POLR3B: variants seen among roughly 807,000 people sequenced by gnomAD.
The protein encoded by POLR3B is DNA-directed RNA polymerase III subunit RPC2.
POLR3B carries 96 observed loss-of-function variants against 147.4 expected under a neutral mutation model. That is an observed-to-expected ratio of 0.65 (90% CI 0.55 to 0.77). The LOEUF (loss-of-function observed/expected upper bound fraction) is 0.77. POLR3B is among the 30% of genes least tolerant of loss of function. The pLI is 0.00. For missense variants in POLR3B, 1,036 were observed against 1,413.5 expected (o/e 0.73, Z 4.28); for synonymous variants, 461 against 485.9 (o/e 0.95, Z 0.67).
intron 10 of POLR3B, among the ~76,000 whole-genome samples, chr12:106,405,371 A>G (rs1013562924): frequency 3.9e-5 from 6 of 152,244 alleles, no homozygotes; most frequent in South Asian, 2.1e-4. Flanking sequence ...GTCCACGAAC[A>G]TGTCATGACC....
At chr12:106,424,419 A>G (rs935891840) in intron 12 of POLR3B, among the ~76,000 whole-genome samples, 6 of 152,112 alleles carry the variant, frequency 3.9e-5, no homozygotes, top group African/African-American at 1.4e-4. Flanking sequence ...TTTTCTCCTG[A>G]TAGTTTTATT....
intron 10 of POLR3B, among the ~76,000 whole-genome samples, chr12:106,401,806 A>G (rs370273166): frequency 6.6e-6 from 1 of 152,132 alleles, no homozygotes; most frequent in Admixed American, 6.5e-5. Context: ...TTGATGGGAC[A>G]TATCTCAAAA....
At chr12:106,471,728 A>G (rs1007778919) in intron 23 of POLR3B, among the ~76,000 whole-genome samples, 30 of 152,146 alleles carry the variant, frequency 2.0e-4, no homozygotes, top group African/African-American at 7.2e-4. Flanking sequence ...CACAATGTAT[A>G]TGAATGAATG....
intron 9 of POLR3B, among the ~76,000 whole-genome samples, chr12:106,383,278 T>G (rs1328743112): frequency 1.3e-5 from 2 of 152,184 alleles, no homozygotes; most frequent in East Asian, 3.9e-4. Flanking sequence ...ATAAGCCTGT[T>G]TCACTTTCTT....
chr12:106,403,017 C>T (rs1208953294), intron 10 of POLR3B, among the ~76,000 whole-genome samples: 3 of 148,074 alleles, frequency 2.0e-5, no homozygotes, highest in Admixed American at 6.8e-5. Flanking sequence ...TCAGAGTGAA[C>T]AGGCAACCTA....
chr12:106,459,842 C>G (rs1322526589), intron 22 of POLR3B, among the ~76,000 whole-genome samples: 1 of 152,144 alleles, frequency 6.6e-6, no homozygotes, highest in Non-Finnish European at 1.5e-5. Context: ...CATTTAAATT[C>G]TGTTAGCTTC....
chr12:106,384,949 C>T (rs982732377), intron 9 of POLR3B, among the ~76,000 whole-genome samples: 1 of 151,904 alleles, frequency 6.6e-6, no homozygotes, highest in African/African-American at 2.4e-5. Flanking sequence ...CCTCAGCCTC[C>T]CAAGTAGCTG....
intron 26 of POLR3B, among the ~76,000 whole-genome samples, chr12:106,503,722 C>G (rs1398228721): frequency 6.6e-6 from 1 of 152,268 alleles, no homozygotes; most frequent in East Asian, 1.9e-4. Flanking sequence ...GACATTGTTT[C>G]CTGATTTGAA....
chr12:106,411,503 A>G (rs181054090), intron 12 of POLR3B, among the ~76,000 whole-genome samples: 1 of 152,350 alleles, frequency 6.6e-6, no homozygotes, highest in East Asian at 1.9e-4. Context: ...CTCATTCTGT[A>G]TAATATACAA....
At chr12:106,373,856 TTTTA>T (rs1298098915) in intron 6 of POLR3B, among the ~76,000 whole-genome samples, 5 of 152,184 alleles carry the variant, frequency 3.3e-5, no homozygotes, top group South Asian at 2.1e-4. Flanking sequence ...TGTAGTTTAT[TTTTA>T]TTTGTTTTAT....
Position 106,449,213 on chromosome 12 carries a change from TA to T in POLR3B, c.2083+4625del, listed in dbSNP as rs1466284728. On this transcript the variant is annotated intron_variant, in intron 19 of 27. Coordinates refer to ENST00000228347, the MANE Select transcript of POLR3B (RefSeq NM_018082.6). ...AAGGTAATTTATACGATATTTTTAA[TA>T]ATTTTGTACATGAAGCAAAGTTTGA... 2.6e-5 allele frequency among the ~76,000 whole-genome samples: 4 copies of T among 152,238 alleles called. No homozygotes were observed. In the East Asian group the frequency reaches 7.7e-4, roughly 29 times the overall value.
intron 11 of POLR3B, among the ~76,000 whole-genome samples, chr12:106,406,525 T>C (rs750652346): frequency 6.6e-6 from 1 of 152,218 alleles, no homozygotes; most frequent in Non-Finnish European, 1.5e-5. Context: ...GTTTTAAAAA[T>C]GTTTACTGGA....
chr12:106,427,447 G>C, intron 13 of POLR3B, 89 bp downstream of exon 13: 2 of 1,162,414 alleles, frequency 1.7e-6, no homozygotes, highest in Non-Finnish European at 2.6e-6. Context: ...TGAGAATCCA[G>C]GTGAAATATA....
At chr12:106,438,601 C>G (rs2037610057) in intron 18 of POLR3B, among the ~76,000 whole-genome samples, 1 of 151,982 alleles carries the variant, frequency 6.6e-6, no homozygotes, top group Admixed American at 6.5e-5. Flanking sequence ...CTCAAGTGAT[C>G]CTCCCACTTC....
chr12:106,393,150 G>A lies in POLR3B; in HGVS notation c.843G>A (p.Met281Ile). Residue 281 changes from methionine to isoleucine, a missense_variant, in exon 10 of 28, where the codon ATG (methionine) becomes ATA (isoleucine). Met to Ile is a conservative substitution (Grantham distance 10). Around this residue, in one of 12 missense-constraint regions of POLR3B, gnomAD observed 217 missense variants for 288.7 expected, o/e 0.75. Transcript: ENST00000228347. The part of the protein sequence containing the change: ...ECQKAQIFTQ[M>I]QALKYIGNKV... The stretch of plus-strand genomic sequence containing the variant: ...AGAAAGCTCAGATTTTCACACAGAT[G>A]CAGGTGTGTCTTTTCATGTTGTCCT... 6.2e-7 allele frequency: 1 copy of A among 1,614,146 alleles called. No individual in the cohort carries two copies. The highest frequency in any genetic ancestry group is 1.1e-5 in the South Asian group (1 of 91,086).
intron 25 of POLR3B, among the ~76,000 whole-genome samples, chr12:106,498,777 G>C (rs1258549801): frequency 1.3e-5 from 2 of 152,148 alleles, no homozygotes; most frequent in Non-Finnish European, 2.9e-5. Flanking sequence ...GTAGAGACGA[G>C]GTTTCGCCAA....
chr12:106,457,470 A>G (rs1479545236), intron 21 of POLR3B, among the ~76,000 whole-genome samples, 174 bp downstream of exon 21: 1 of 152,200 alleles, frequency 6.6e-6, no homozygotes, highest in African/African-American at 2.4e-5. Flanking sequence ...CTGTTTTTCT[A>G]TACACTATGT....
chr12:106,398,963 A>G (rs988959108), intron 10 of POLR3B, among the ~76,000 whole-genome samples: 4 of 152,232 alleles, frequency 2.6e-5, no homozygotes, highest in African/African-American at 9.6e-5. Context: ...CTCACCAGCA[A>G]CAGAACAAAG....
intron 23 of POLR3B, among the ~76,000 whole-genome samples, chr12:106,467,471 C>A (rs1463591743): frequency 6.6e-6 from 1 of 152,150 alleles, no homozygotes; most frequent in Non-Finnish European, 1.5e-5. Context: ...TTGCCCTGGC[C>A]AGAACTTCCA....
Sources: gnomAD v4.1 joint callset for allele counts (sites outside exome capture counted in the v4.1 genomes callset) on GRCh38, gnomAD v4.1.1 for gene constraint, gnomAD v4.1.1 regional missense constraint, MANE v1.5 for transcripts, NCBI Gene and HGNC (gene_info 2026-07-23, HGNC 2026-07-21) for gene names.